Variants in ZMYND8 observed in about 807,000 individuals in gnomAD.
ZMYND8 encodes the protein zinc finger MYND-type containing 8.
ZMYND8 carries 37 observed loss-of-function variants against 140.8 expected under a neutral mutation model. That is an observed-to-expected ratio of 0.26 (90% CI 0.20 to 0.35). The LOEUF is 0.35. ZMYND8 is among the 10% of genes least tolerant of loss of function. ZMYND8 has a pLI of 1.00. For missense variants in ZMYND8, 1,068 were observed against 1,570.0 expected, an observed-to-expected ratio of 0.68 and a Z score of 5.40; for synonymous variants, 592 against 597.1, an observed-to-expected ratio of 0.99 and a Z score of 0.12.
rs1309003167 is a variant in ZMYND8, at chr20:47,307,026, T to C, written c.234+3030A>G. Among the ~76,000 whole-genome samples the C allele has an allele frequency of 4.6e-5, 7 of 152,116 alleles. No individual in the cohort carries two copies. The East Asian group carries it at 1.3e-3, about 29-fold the overall frequency. Reference sequence around the variant, plus strand: ...ATTTTGCTGAGTGCTATGGTCTGAATGCTTGTGTACCTCCCAAATTTCTAT... The same window carrying C: ...ATTTTGCTGAGTGCTATGGTCTGAACGCTTGTGTACCTCCCAAATTTCTAT... On this transcript the variant is annotated intron_variant, in intron 3 of 22. Transcript: ENST00000471951.
chr20:47,266,652 T>C (rs1386118577), intron 11 of ZMYND8, among the ~76,000 whole-genome samples: 1 of 152,124 alleles, frequency 6.6e-6, no homozygotes. Flanking sequence ...TCTGCACTCC[T>C]CTTCCTAAAC....
intron 11 of ZMYND8, 64 bp downstream of exon 11, chr20:47,276,247 AGTG>A (rs2076250358): frequency 6.8e-7 from 1 of 1,476,888 alleles, no homozygotes; most frequent in African/African-American, 1.4e-5. Flanking sequence ...GGGCCCACCA[AGTG>A]TGCACCCATG....
Position 47,246,424 on chromosome 20 carries a change from A to T in ZMYND8, c.1868T>A (p.Ile623Asn), listed in dbSNP as rs766047391. The T allele has an allele frequency of 2.3e-5, 37 of 1,613,834 alleles. No homozygotes were observed. Among genetic ancestry groups the T allele is most frequent in the Non-Finnish European group, 3.0e-5 (35 of 1,179,976 alleles). ...CTTAGACTTCTGCTCATCATCACTG[A>T]TATACTCACTATCGCTACTATCTGA... ...EKSDSSDSEY[I>N]SDDEQKSKNE... The change falls in exon 14 of 23, where the codon ATC (isoleucine) becomes AAC (asparagine). Residue 623 changes from isoleucine to asparagine, a missense_variant. By Grantham distance (149) the Ile-to-Asn change is moderately radical. Around this residue, in one of 10 missense-constraint regions of ZMYND8, gnomAD observed 383 missense variants for 431.2 expected, o/e 0.89. Transcript: ENST00000471951.
intron 12 of ZMYND8, among the ~76,000 whole-genome samples, chr20:47,259,913 G>GAATT (rs1569021340): frequency 2.0e-5 from 3 of 152,212 alleles, no homozygotes; most frequent in Admixed American, 6.5e-5. Flanking sequence ...AAGATTCCCA[G>GAATT]AATTACACCT....
rs191390412 is a variant in ZMYND8 at position 47,275,481 on chromosome 20, G to T, written c.1480+833C>A. 7.8e-3 allele frequency among the ~76,000 whole-genome samples: 1,111 copies of T among 142,762 alleles called. 18 individuals are homozygous for T. The highest frequency in any genetic ancestry group is 0.027 in the African/African-American group (1,043 of 38,332). The allele number at this position is 142,762 out of a possible 152,430, so 93.7% of individuals were successfully genotyped here. A position where few individuals can be genotyped will look rare whatever the true frequency, so the allele number is the denominator to read the frequency against. On this transcript the variant is annotated intron_variant, in intron 11 of 22. Transcript: ENST00000471951. ...TGCACTCCAGTCTGGGTGACAGAGC[G>T]AGACTATGTCTCCAAAAAAAAAAAA...
intron 19 of ZMYND8, among the ~76,000 whole-genome samples, chr20:47,222,339 T>C (rs2037095980): frequency 1.3e-5 from 2 of 152,134 alleles, no homozygotes; most frequent in South Asian, 2.1e-4. Context: ...ATCAAGACCA[T>C]ACTGGCTAAC....
intron 1 of ZMYND8, among the ~76,000 whole-genome samples, chr20:47,349,520 C>G (rs1271874023): frequency 6.6e-6 from 1 of 152,192 alleles, no homozygotes; most frequent in Non-Finnish European, 1.5e-5. Context: ...AGAAAACATT[C>G]TCAACTCAGA....
At chr20:47,324,028 G>C (rs2080186482) in intron 2 of ZMYND8, among the ~76,000 whole-genome samples, 1 of 151,000 alleles carries the variant, frequency 6.6e-6, no homozygotes, top group African/African-American at 2.4e-5. Context: ...GTGAAAACCT[G>C]TCTCCACTAC....
At chr20:47,335,652 T>A (rs2081337582) in intron 2 of ZMYND8, among the ~76,000 whole-genome samples, 1 of 152,140 alleles carries the variant, frequency 6.6e-6, no homozygotes, top group South Asian at 2.1e-4. Context: ...CGATTTTAGA[T>A]CACAGTCTTC....
chr20:47,224,527 G>C lies in ZMYND8; in HGVS notation c.3046C>G (p.Leu1016Val), dbSNP rs2037413346. The change falls in exon 19 of 23, where the codon CTG becomes GTG. Residue 1016 changes from leucine to valine, a missense_variant. By Grantham distance (32) the Leu-to-Val change is conservative. Coordinates refer to ENST00000471951, the MANE Select transcript of ZMYND8 (RefSeq NM_001281775.3). ...ELTMAEMRQS[L>V]EQERDRLIAE... ...ATGAGCCGGTCCCGCTCCTGCTCCA[G>C]GCTCTGCCGCATCTCCGCCATGGTC... The C allele has an allele frequency of 1.2e-6, 2 of 1,613,780 alleles. No homozygotes were observed. Among genetic ancestry groups the C allele is most frequent in the Non-Finnish European group, 1.7e-6 (2 of 1,180,048 alleles).
intron 3 of ZMYND8, among the ~76,000 whole-genome samples, chr20:47,306,816 G>A (rs1375481910): frequency 2.0e-4 from 30 of 152,294 alleles, no homozygotes; most frequent in African/African-American, 6.0e-4. Context: ...GAAGACGACA[G>A]TGGAGAATCT....
At chr20:47,288,740 T>C (rs938231415) in intron 7 of ZMYND8, among the ~76,000 whole-genome samples, 2 of 152,166 alleles carry the variant, frequency 1.3e-5, no homozygotes, top group Non-Finnish European at 2.9e-5. Flanking sequence ...CTCCTTGCAC[T>C]CTCAGCCCTG....
In ZMYND8 at chr20:47,356,659, C is replaced by G. The variant is rs769676229; in HGVS notation, c.12G>C (p.Gln4His). 8.1e-6 allele frequency: 13 copies of G among 1,614,202 alleles called. No individual in the cohort carries two copies. Among genetic ancestry groups the G allele is most frequent in the Non-Finnish European group, 1.0e-5 (12 of 1,180,046 alleles). Residue 4 changes from glutamine (Q) to histidine (H), a missense_variant and splice_region_variant, in exon 1 of 23, where the codon CAG becomes CAC. Physicochemically the swap from Gln to His is conservative, Grantham distance 24 (BLOSUM62 0). This residue lies in a region of ZMYND8 where 77 missense variants were observed against 85.1 expected (regional missense o/e 0.91). Coordinates refer to ENST00000471951, the MANE Select transcript of ZMYND8 (RefSeq NM_001281775.3). MHP[Q>H]SLAEEEIKTE... ...GATGGTTAAAAAGTCGAGCTTACCT[C>G]TGTGGATGCATTGTTAACACTGTGT...
At chr20:47,226,849 A>C (rs1163068828) in intron 18 of ZMYND8, among the ~76,000 whole-genome samples, 3 of 151,280 alleles carry the variant, frequency 2.0e-5, no homozygotes, top group African/African-American at 7.3e-5. Context: ...TTGTGTAGAG[A>C]TAGGGTTTCG....
In ZMYND8 at chr20:47,277,096, A is replaced by C. The variant is rs181526360; in HGVS notation, c.999-301T>G. ...GGTTTTCTCTTAGTAGAGAAAAATA[A>C]ATCAGCCACTGCATCTGACAACACC... On this transcript the variant is annotated intron_variant, in intron 10 of 22. Coordinates refer to ENST00000471951, the MANE Select transcript of ZMYND8 (RefSeq NM_001281775.3). Among the ~76,000 whole-genome samples, 23 of 152,338 alleles carry C rather than the reference A, an allele frequency of 1.5e-4. No homozygotes were observed. The East Asian group carries it at 1.5e-3, about 10-fold the overall frequency.
chr20:47,243,713 T>C (rs1468109176), intron 14 of ZMYND8, among the ~76,000 whole-genome samples: 2 of 152,240 alleles, frequency 1.3e-5, no homozygotes, highest in East Asian at 1.9e-4. Context: ...TGTCAATCTG[T>C]TGCAAATTCT....
chr20:47,257,710 T>C (rs1421069387), intron 12 of ZMYND8, among the ~76,000 whole-genome samples: 1 of 152,156 alleles, frequency 6.6e-6, no homozygotes, highest in Non-Finnish European at 1.5e-5. Context: ...TATACTAAAA[T>C]GCCATATACT....
intron 1 of ZMYND8, among the ~76,000 whole-genome samples, chr20:47,350,927 A>C (rs1308316268): frequency 6.6e-6 from 1 of 152,222 alleles, no homozygotes; most frequent in African/African-American, 2.4e-5. Context: ...AAAATACACC[A>C]TCAACTAGTT....
intron 10 of ZMYND8, among the ~76,000 whole-genome samples, chr20:47,277,702 G>T (rs569590956): frequency 6.7e-6 from 1 of 149,280 alleles, no homozygotes; most frequent in African/African-American, 2.5e-5. Flanking sequence ...AGACAGTCTC[G>T]CTCTATTGCC....
Sources: allele counts gnomAD v4.1 joint callset (sites outside exome capture counted in the v4.1 genomes callset), GRCh38; gene constraint gnomAD v4.1.1; regional missense constraint gnomAD v4.1.1; transcripts MANE v1.5; gene names NCBI Gene and HGNC (gene_info 2026-07-23, HGNC 2026-07-21).